ALMS1: variants seen among roughly 807,000 people sequenced by gnomAD.
ALMS1 encodes the protein ALMS1 centrosome and basal body associated protein, also known as centrosome-associated protein ALMS1.
In ALMS1, 271 loss-of-function variants were observed where a neutral mutation model predicts 352.2. That is an observed-to-expected ratio of 0.77 (90% CI 0.70 to 0.85). The LOEUF (loss-of-function observed/expected upper bound fraction) is 0.85, where lower values mean the gene tolerates loss of function less well. ALMS1 is among the 40% of genes least tolerant of loss of function. The pLI is 0.00. For synonymous variants in ALMS1, 1,865 were observed against 1,761.2 expected (o/e 1.06, Z -1.48); for missense variants, 5,445 against 4,870.7 (o/e 1.12, Z -3.51).
At chr2:73,456,949 C>A (rs1672078882) in intron 9 of ALMS1, 1 of 152,146 alleles carries the variant, frequency 6.6e-6, no homozygotes, top group Non-Finnish European at 1.5e-5. Context: ...TGGGTAGACT[C>A]TGGTTTGTCT....
intron 9 of ALMS1, among the ~76,000 whole-genome samples, chr2:73,483,167 G>C (rs1377291336): frequency 1.4e-5 from 2 of 141,682 alleles, no homozygotes; most frequent in African/African-American, 2.6e-5. Context: ...GTGATGTTAG[G>C]GTGTCAATTT....
At chr2:73,394,643 C>A (rs1248316487) in intron 1 of ALMS1, among the ~76,000 whole-genome samples, 2 of 152,162 alleles carry the variant, frequency 1.3e-5, no homozygotes, top group Admixed American at 6.6e-5. Context: ...AGCCACCGTG[C>A]CTGGCCTAAT....
chr2:73,481,638 A>G (rs912285408), intron 9 of ALMS1, among the ~76,000 whole-genome samples: 3 of 150,274 alleles, frequency 2.0e-5, no homozygotes, highest in Non-Finnish European at 2.9e-5. Flanking sequence ...CTTGATGGGG[A>G]TGGCATTGAA....
In ALMS1 at chr2:73,490,426, G is replaced by A; in HGVS notation, c.8467G>A (p.Glu2823Lys). 6.2e-7 allele frequency: 1 copy of A among 1,614,132 alleles called. No homozygotes were observed. The highest frequency in any genetic ancestry group is 8.5e-7 in the Non-Finnish European group (1 of 1,180,036). ...ERSDFTGSHSEPSTRANCSNF... is the reference protein window; with the variant it reads ...ERSDFTGSHSKPSTRANCSNF... ...ATCAGATTTTACAGGCAGTCATTCT[G>A]AGCCCAGTACCAGGGCAAATTGTAG... The change falls in exon 10 of 23, where the codon GAG becomes AAG. Residue 2823 changes from glutamate to lysine, a missense_variant. Physicochemically the swap from Glu to Lys is moderately conservative, Grantham distance 56 (BLOSUM62 1). Transcript: ENST00000613296.
Position 73,451,293 on chromosome 2 carries a change from A to G in ALMS1, c.4766A>G (p.His1589Arg), listed in dbSNP as rs1385213033. The change falls in exon 8 of 23, where the codon CAT (histidine) becomes CGT (arginine). Residue 1589 changes from histidine to arginine, a missense_variant. Coordinates refer to ENST00000613296, the MANE Select transcript of ALMS1 (RefSeq NM_001378454.1). Reference protein sequence around the residue: ...VNYKQAFPDGHLPEEALKVSI... With the variant: ...VNYKQAFPDGRLPEEALKVSI... ...TACAAACAGGCCTTTCCAGATGGTC[A>G]TCTACCTGAAGAGGCTCTGAAAGTT... 1.1e-5 allele frequency: 18 copies of G among 1,614,026 alleles called. No homozygotes were observed. Among genetic ancestry groups the G allele is most frequent in the African/African-American group, 2.7e-5 (2 of 74,924 alleles).
intron 10 of ALMS1, among the ~76,000 whole-genome samples, chr2:73,513,084 G>A (rs114295920): frequency 0.01 from 1,577 of 151,740 alleles, 40 homozygotes; most frequent in African/African-American, 0.036. Context: ...TTTATATAAC[G>A]AATTCTCTCA....
At chr2:73,512,183 C>T (rs1673466293) in intron 10 of ALMS1, among the ~76,000 whole-genome samples, 1 of 152,158 alleles carries the variant, frequency 6.6e-6, no homozygotes, top group African/African-American at 2.4e-5. Flanking sequence ...CTCCCGGGTT[C>T]AAGCGATTCT....
At chr2:73,425,151 G>A (rs1248407741) in intron 5 of ALMS1, among the ~76,000 whole-genome samples, 1 of 152,122 alleles carries the variant, frequency 6.6e-6, no homozygotes, top group Admixed American at 6.5e-5. Flanking sequence ...AAGAGGAAAA[G>A]GGGTTCCCTT....
At chr2:73,599,232 T>C (rs1255668021) in intron 16 of ALMS1, among the ~76,000 whole-genome samples, 169 bp from the exon 17 acceptor site, 2 of 152,178 alleles carry the variant, frequency 1.3e-5, no homozygotes, top group African/African-American at 4.8e-5. Flanking sequence ...TACAACATTC[T>C]CCCTATCACA....
intron 7 of ALMS1, among the ~76,000 whole-genome samples, chr2:73,444,217 A>G (rs1671766833): frequency 6.6e-6 from 1 of 152,154 alleles, no homozygotes; most frequent in Non-Finnish European, 1.5e-5. Flanking sequence ...CTTAAAGATG[A>G]GGAGCCTGGA....
chr2:73,477,448 A>G (rs1426180433), intron 9 of ALMS1, among the ~76,000 whole-genome samples: 1 of 151,892 alleles, frequency 6.6e-6, no homozygotes, highest in Non-Finnish European at 1.5e-5. Context: ...GTCATTTTCA[A>G]GATTATTTTG....
intron 1 of ALMS1, among the ~76,000 whole-genome samples, chr2:73,388,190 A>G (rs566271927): frequency 1.3e-5 from 2 of 152,156 alleles, no homozygotes; most frequent in South Asian, 4.1e-4. Context: ...TCTAACTTTT[A>G]TTTTGTCCTG....
chr2:73,393,459 A>C (rs1456975172), intron 1 of ALMS1, among the ~76,000 whole-genome samples: 1 of 151,798 alleles, frequency 6.6e-6, no homozygotes, highest in Non-Finnish European at 1.5e-5. Flanking sequence ...TGTTACATTG[A>C]TATATTGCAT....
chr2:73,572,424 A>G lies in ALMS1; in HGVS notation c.10547A>G (p.Gln3516Arg), dbSNP rs1674950307. Reference sequence around the variant, plus strand: ...AGACATTCTTGGAAAGATTTCTTTCAGCATCATCCAGACAAACATAGAGAA... The same window carrying G: ...AGACATTCTTGGAAAGATTTCTTTCGGCATCATCCAGACAAACATAGAGAA... The part of the protein sequence containing the change: ...FMRHSWKDFF[Q>R]HHPDKHREHM... The change falls in exon 16 of 23, where the codon CAG becomes CGG. Residue 3516 changes from glutamine to arginine, a missense_variant. Transcript: ENST00000613296. 3 of 1,612,300 alleles carry G rather than the reference A, an allele frequency of 1.9e-6. No individual in the cohort carries two copies. In the African/African-American group the frequency reaches 4.0e-5, roughly 22 times the overall value.
At chr2:73,602,103 G>T in intron 19 of ALMS1, 82 bp from the exon 20 acceptor site, 2 of 1,399,250 alleles carry the variant, frequency 1.4e-6, no homozygotes, top group South Asian at 2.5e-5. Context: ...CTCTTGGGCA[G>T]GTGGTGTGTC....
At chr2:73,436,599 C>T (rs1671608474) in intron 7 of ALMS1, among the ~76,000 whole-genome samples, 1 of 152,160 alleles carries the variant, frequency 6.6e-6, no homozygotes, top group Admixed American at 6.5e-5. Context: ...CTTCAGTTTG[C>T]ATAGTCTCTA....
At chr2:73,487,668 C>G (rs186864224) in intron 9 of ALMS1, among the ~76,000 whole-genome samples, 76 of 152,292 alleles carry the variant, frequency 5.0e-4, no homozygotes, top group African/African-American at 1.8e-3. Flanking sequence ...ATCCTGAGCT[C>G]TTGTCCTGCA....
chr2:73,385,927 AG>A lies in ALMS1; in HGVS notation c.61del (p.Glu21ArgfsTer20), dbSNP rs753006733. ...GELEEEEEEE[E>X]EEEEEEEEAA... is the part of the protein sequence containing the mutation. ...CTGGAGGAGGAGGAGGAGGAGGAGG[AG>A]GAGGAGGAGGAGGAAGAGGAGGAGG... On this transcript the variant is annotated frameshift_variant, in exon 1 of 23. Transcript: ENST00000613296. LOFTEE classifies it high-confidence loss of function. 3.0e-4 allele frequency: 307 copies of A among 1,023,970 alleles called. 2 individuals carry two copies. The Middle Eastern group carries it at 3.3e-3, about 11-fold the overall frequency. 63.4% of individuals were successfully genotyped at this position (1,023,970 alleles called of 1,614,324 possible). A position where few individuals can be genotyped will look rare whatever the true frequency, so the allele number is the denominator to read the frequency against.
intron 1 of ALMS1, among the ~76,000 whole-genome samples, chr2:73,404,370 A>T (rs1670930858): frequency 6.6e-6 from 1 of 152,108 alleles, no homozygotes; most frequent in Admixed American, 6.5e-5. Context: ...ATCTTAGAGG[A>T]AATGTTTTCA....
Sources: gnomAD v4.1 joint callset for allele counts (sites outside exome capture counted in the v4.1 genomes callset) on GRCh38, gnomAD v4.1.1 for gene constraint, MANE v1.5 for transcripts, NCBI Gene and HGNC (gene_info 2026-07-23, HGNC 2026-07-21) for gene names.